KCNK2: variants seen among roughly 807,000 people sequenced by gnomAD.
KCNK2 encodes the protein potassium channel subfamily K member 2.
Under a neutral mutation model 40.5 loss-of-function variants are expected in KCNK2, and 21 were observed. The observed-to-expected ratio is 0.52, with a 90% confidence interval of 0.37 to 0.75. The LOEUF is 0.75. Ranked by LOEUF, KCNK2 falls within the 30% of genes least tolerant of loss-of-function variation. The pLI, the probability that KCNK2 is intolerant of heterozygous loss-of-function variation, is 0.00. For missense variants in KCNK2, 399 were observed against 531.6 expected (o/e 0.75, Z 2.45); for synonymous variants, 191 against 202.2 (o/e 0.94, Z 0.47).
intron 2 of KCNK2, among the ~76,000 whole-genome samples, chr1:215,111,298 TC>T (rs1660673976): frequency 6.6e-6 from 1 of 152,130 alleles, no homozygotes; most frequent in African/African-American, 2.4e-5. Flanking sequence ...CTTGTCTTGT[TC>T]CTGATCTTAA....
rs1039694453 is a variant in KCNK2, at chr1:215,182,844, C to T, written c.823+10661C>T. On this transcript the variant is annotated intron_variant, in intron 5 of 6. Transcript: ENST00000444842. Reference sequence around the variant, plus strand: ...GGCTGCAGCTTTTCCCAGTGCCTTTCCCTCACTGCATTTCCAAGCTCTCCC... The same window carrying T: ...GGCTGCAGCTTTTCCCAGTGCCTTTTCCTCACTGCATTTCCAAGCTCTCCC... 8.5e-5 allele frequency among the ~76,000 whole-genome samples: 13 copies of T among 152,286 alleles called. No individual in the cohort carries two copies. The Middle Eastern group carries it at 0.014, about 159-fold the overall frequency.
At chr1:215,041,874 A>G (rs1156531274) in intron 1 of KCNK2, among the ~76,000 whole-genome samples, 3 of 152,178 alleles carry the variant, frequency 2.0e-5, no homozygotes, top group Non-Finnish European at 2.9e-5. Flanking sequence ...GAGACTGGGT[A>G]ATTTATAAAG....
At chr1:215,093,834 A>AATATATT (rs1277198659) in intron 2 of KCNK2, among the ~76,000 whole-genome samples, 15 of 63,624 alleles carry the variant, frequency 2.4e-4, no homozygotes, top group Non-Finnish European at 4.2e-4. Flanking sequence ...TTATATATAA[A>AATATATT]ATATATTATA....
At chr1:215,090,597 A>T (rs1219657312) in intron 2 of KCNK2, among the ~76,000 whole-genome samples, 2 of 152,236 alleles carry the variant, frequency 1.3e-5, no homozygotes, top group Non-Finnish European at 2.9e-5. Flanking sequence ...CCAGTAGAGG[A>T]TGGTCACATT....
chr1:215,163,060 G>A (rs1020237738), intron 3 of KCNK2, among the ~76,000 whole-genome samples: 6 of 152,126 alleles, frequency 3.9e-5, no homozygotes, highest in African/African-American at 1.4e-4. Context: ...CTATCCATGA[G>A]CATGGAATGT....
upstream of KCNK2, chr1:215,005,843 A>G: frequency 1.3e-5 from 17 of 1,352,484 alleles, no homozygotes; most frequent in South Asian, 1.9e-4. Flanking sequence ...CTGTTTTGGA[A>G]ATTACGGACA....
intron 1 of KCNK2, among the ~76,000 whole-genome samples, chr1:215,023,493 G>A (rs1359378287): frequency 2.0e-5 from 3 of 152,152 alleles, no homozygotes; most frequent in Non-Finnish European, 4.4e-5. Flanking sequence ...AGCAGTTACA[G>A]CATGGAAAGA....
chr1:215,148,080 C>CA (rs1553267721), intron 3 of KCNK2, among the ~76,000 whole-genome samples: 2 of 111,180 alleles, frequency 1.8e-5, no homozygotes, highest in Non-Finnish European at 3.5e-5. Flanking sequence ...TTTTCTTTTC[C>CA]TTTTTTTTTT....
intron 1 of KCNK2, among the ~76,000 whole-genome samples, chr1:215,070,575 C>A (rs1426650132): frequency 6.6e-6 from 1 of 152,030 alleles, no homozygotes; most frequent in African/African-American, 2.4e-5. Flanking sequence ...CAGGGGAGCT[C>A]CCCTTCATAA....
At chr1:215,050,492 G>C (rs562612546) in intron 1 of KCNK2, among the ~76,000 whole-genome samples, 2 of 152,092 alleles carry the variant, frequency 1.3e-5, no homozygotes, top group African/African-American at 4.8e-5. Context: ...TAAAGTTCCT[G>C]TACTTCGTTC....
rs1407275083 is a variant in KCNK2, at chr1:215,007,125, A to G, written c.34+1170A>G. 1.4e-4 allele frequency among the ~76,000 whole-genome samples: 16 copies of G among 116,318 alleles called. 1 individual carries two copies. The South Asian group carries it at 2.3e-3, about 17-fold the overall frequency. 76.3% of individuals were successfully genotyped at this position (116,318 alleles called of 152,430 possible). A position where few individuals can be genotyped will look rare whatever the true frequency, so the allele number is the denominator to read the frequency against. On this transcript the variant is annotated intron_variant, in intron 1 of 6. Coordinates refer to the KCNK2 transcript ENST00000391895. ...TATATATATGTGTGTATATATGTATATATATGTGTATATATATGTGTATAT... is the reference window on the plus strand; with the variant it reads ...TATATATATGTGTGTATATATGTATGTATATGTGTATATATATGTGTATAT...
Position 215,147,075 on chromosome 1 carries a change from T to C in KCNK2, c.476-22124T>C, listed in dbSNP as rs191983096. Among the ~76,000 whole-genome samples, 5 of 152,344 alleles carry C rather than the reference T, an allele frequency of 3.3e-5. No homozygotes were observed. In the East Asian group the frequency reaches 9.6e-4, roughly 29 times the overall value. Reference sequence around the variant, plus strand: ...GAGATAAATCTAATCAATATTGTTCTATGTACAAAGAGACAGAGGCAGGTT... The same window carrying C: ...GAGATAAATCTAATCAATATTGTTCCATGTACAAAGAGACAGAGGCAGGTT... On this transcript the variant is annotated intron_variant, in intron 3 of 6. Coordinates refer to ENST00000444842, the MANE Select transcript of KCNK2 (RefSeq NM_001017425.3).
chr1:215,088,797 A>G (rs1007872776), intron 2 of KCNK2, among the ~76,000 whole-genome samples: 1 of 152,086 alleles, frequency 6.6e-6, no homozygotes, highest in Non-Finnish European at 1.5e-5. Flanking sequence ...AATATGACCT[A>G]ATTTTTTTCT....
chr1:215,065,604 A>G (rs1658511772), intron 1 of KCNK2, among the ~76,000 whole-genome samples: 1 of 152,170 alleles, frequency 6.6e-6, no homozygotes, highest in African/African-American at 2.4e-5. Context: ...CAGGAACCAC[A>G]TGGTAAAAGG....
At chr1:215,166,953 A>G (rs941619551) in intron 3 of KCNK2, among the ~76,000 whole-genome samples, 1 of 152,090 alleles carries the variant, frequency 6.6e-6, no homozygotes, top group Non-Finnish European at 1.5e-5. Context: ...TCATGGCATA[A>G]GAACAGGCTA....
chr1:215,141,651 G>A (rs1041154072), intron 3 of KCNK2, among the ~76,000 whole-genome samples: 1 of 151,986 alleles, frequency 6.6e-6, no homozygotes, highest in African/African-American at 2.4e-5. Context: ...AAGCTAATTT[G>A]GCTGGGTATA....
intron 1 of KCNK2, among the ~76,000 whole-genome samples, chr1:215,007,033 A>ATG (rs1408452470): frequency 2.0e-4 from 12 of 60,332 alleles, no homozygotes; most frequent in Non-Finnish European, 2.7e-4. Flanking sequence ...ATATATATAT[A>ATG]TATATGTGTG....
At chr1:215,120,076 A>G (rs1661115186) in intron 2 of KCNK2, among the ~76,000 whole-genome samples, 1 of 152,160 alleles carries the variant, frequency 6.6e-6, no homozygotes, top group Admixed American at 6.5e-5. Flanking sequence ...CCTCAGCTCT[A>G]TCTCAAACCT....
chr1:215,147,156 T>G (rs1298003008), intron 3 of KCNK2, among the ~76,000 whole-genome samples: 1 of 152,170 alleles, frequency 6.6e-6, no homozygotes, highest in Non-Finnish European at 1.5e-5. Flanking sequence ...TTTTTAATTT[T>G]TATTCATTTT....
Sources: allele counts gnomAD v4.1 joint callset (sites outside exome capture counted in the v4.1 genomes callset), GRCh38; gene constraint gnomAD v4.1.1; transcripts MANE v1.5; gene names NCBI Gene and HGNC (gene_info 2026-07-23, HGNC 2026-07-21).